NOL4: variants seen among roughly 807,000 people sequenced by gnomAD.
NOL4 encodes nucleolar protein 4.
NOL4 carries 17 observed loss-of-function variants against 75.9 expected under a neutral mutation model. That is an observed-to-expected ratio of 0.22 (90% CI 0.15 to 0.34). NOL4 has a LOEUF of 0.34. Ranked by LOEUF, NOL4 falls within the 10% of genes least tolerant of loss-of-function variation. The probability of loss-of-function intolerance (pLI) is 1.00; values close to 1 mark genes in which losing one functional copy is unlikely to be tolerated. For missense variants in NOL4, 614 were observed against 793.5 expected (o/e 0.77, Z 2.72); for synonymous variants, 292 against 289.9 (o/e 1.01, Z -0.07).
intron 1 of NOL4, among the ~76,000 whole-genome samples, chr18:34,183,363 T>C (rs72961221): frequency 6.6e-6 from 1 of 151,964 alleles, no homozygotes; most frequent in Non-Finnish European, 1.5e-5. Flanking sequence ...ACTATTATAA[T>C]GGAGGATTAA....
intron 6 of NOL4, among the ~76,000 whole-genome samples, chr18:33,980,449 T>C (rs796141612): frequency 6.6e-6 from 1 of 152,044 alleles, no homozygotes; most frequent in Non-Finnish European, 1.5e-5. Flanking sequence ...TTTTGAAACA[T>C]GCCAGAGCAT....
intron 5 of NOL4, among the ~76,000 whole-genome samples, chr18:34,028,296 C>T (rs1213700793): frequency 6.6e-6 from 1 of 152,214 alleles, no homozygotes; most frequent in Non-Finnish European, 1.5e-5. Context: ...GGAACATTTA[C>T]TGAGCTTTGC....
At chr18:34,222,116 G>A (rs2037357039) in intron 1 of NOL4, 6 of 1,533,788 alleles carry the variant, frequency 3.9e-6, no homozygotes, top group Admixed American at 2.0e-5. Context: ...ACGCTGCTGC[G>A]GCTCCCCAGC....
At chr18:34,150,903 A>T (rs2081611591) in intron 1 of NOL4, among the ~76,000 whole-genome samples, 1 of 151,804 alleles carries the variant, frequency 6.6e-6, no homozygotes, top group Admixed American at 6.6e-5. Context: ...ATTCAACAAT[A>T]GGAAAACAAA....
intron 9 of NOL4, among the ~76,000 whole-genome samples, chr18:33,922,315 T>TGA (rs2145288648): frequency 6.6e-6 from 1 of 152,350 alleles, no homozygotes; most frequent in Non-Finnish European, 1.5e-5. Flanking sequence ...CCTCCTTCAG[T>TGA]TGCTTTCAGC....
Position 33,880,817 on chromosome 18 carries a change from GT to G in NOL4, c.1723+2426del, listed in dbSNP as rs912643565. Reference sequence around the variant, plus strand: ...AAGCATTTGCTATTTCTCTAGTTGAGTTTTTTTTTTTTAGTATAAACAGCAA... The same window carrying G: ...AAGCATTTGCTATTTCTCTAGTTGAGTTTTTTTTTTTAGTATAAACAGCAA... On this transcript the variant is annotated intron_variant, in intron 10 of 10. Transcript: ENST00000261592. Among the ~76,000 whole-genome samples, 1,017 of 144,712 alleles carry G rather than the reference GT, an allele frequency of 7.0e-3. 10 individuals are homozygous for G. The highest frequency in any genetic ancestry group is 0.022 in the African/African-American group (891 of 39,702). The allele number at this position is 144,712 out of a possible 152,430, so 94.9% of individuals were successfully genotyped here.
chr18:33,862,813 A>C (rs954725374), intron 10 of NOL4, among the ~76,000 whole-genome samples: 1 of 152,206 alleles, frequency 6.6e-6, no homozygotes, highest in African/African-American at 2.4e-5. Context: ...ACACTTTTAC[A>C]CTGTTGGTGG....
At chr18:33,963,637 C>A (rs1208873370) in intron 6 of NOL4, among the ~76,000 whole-genome samples, 1 of 152,156 alleles carries the variant, frequency 6.6e-6, no homozygotes, top group Non-Finnish European at 1.5e-5. Context: ...TGCTTATCCT[C>A]AAAACACAGG....
At chr18:34,021,968 G>C (rs1168403779) in intron 5 of NOL4, among the ~76,000 whole-genome samples, 2 of 151,966 alleles carry the variant, frequency 1.3e-5, no homozygotes, top group African/African-American at 4.8e-5. Context: ...GCCGGGCATG[G>C]TGGCATGTGC....
intron 5 of NOL4, among the ~76,000 whole-genome samples, chr18:34,043,373 T>C (rs1264234613): frequency 6.6e-6 from 1 of 152,096 alleles, no homozygotes; most frequent in East Asian, 1.9e-4. Flanking sequence ...AATTTTCCTC[T>C]TCCTAGAGTA....
At chr18:33,931,267 C>A (rs1331008866) in intron 9 of NOL4, among the ~76,000 whole-genome samples, 1 of 152,136 alleles carries the variant, frequency 6.6e-6, no homozygotes, top group Non-Finnish European at 1.5e-5. Context: ...CGGTCCATAG[C>A]AGTGCTTTTC....
chr18:34,018,865 A>G (rs1037495031), intron 6 of NOL4, among the ~76,000 whole-genome samples: 2 of 152,158 alleles, frequency 1.3e-5, no homozygotes, highest in Admixed American at 1.3e-4. Flanking sequence ...CCACAAAGAA[A>G]ATTACTGATC....
chr18:33,930,800 A>T (rs1205702189), intron 9 of NOL4, among the ~76,000 whole-genome samples: 1 of 152,132 alleles, frequency 6.6e-6, no homozygotes, highest in Non-Finnish European at 1.5e-5. Flanking sequence ...TTTTGAAATT[A>T]AAAAGAATAT....
At chr18:33,993,011 G>A (rs559120312) in intron 6 of NOL4, among the ~76,000 whole-genome samples, 1 of 151,992 alleles carries the variant, frequency 6.6e-6, no homozygotes, top group Non-Finnish European at 1.5e-5. Context: ...CAACTGGAAG[G>A]AGATTGGCAG....
At chr18:33,910,674 G>T (rs966677994) in intron 9 of NOL4, among the ~76,000 whole-genome samples, 1 of 152,074 alleles carries the variant, frequency 6.6e-6, no homozygotes, top group African/African-American at 2.4e-5. Context: ...GACCCAGGAT[G>T]ACGGTGTTGT....
intron 5 of NOL4, among the ~76,000 whole-genome samples, chr18:34,083,096 C>G (rs2078083754): frequency 6.6e-6 from 1 of 152,028 alleles, no homozygotes; most frequent in African/African-American, 2.4e-5. Flanking sequence ...TGCTCTCTCT[C>G]TCTGTCTTTA....
intron 10 of NOL4, among the ~76,000 whole-genome samples, chr18:33,861,927 T>C (rs1228064169): frequency 6.6e-6 from 1 of 152,084 alleles, no homozygotes; most frequent in African/African-American, 2.4e-5. Flanking sequence ...TACTTTCAAG[T>C]TCATATGGAA....
intron 10 of NOL4, among the ~76,000 whole-genome samples, chr18:33,871,015 T>G (rs533667441): frequency 1.7e-4 from 26 of 152,206 alleles, no homozygotes; most frequent in African/African-American, 6.0e-4. Context: ...AAACTTGCAC[T>G]GTGTGGACTC....
intron 5 of NOL4, chr18:34,023,413 C>T (rs1248278895): frequency 6.6e-6 from 3 of 456,038 alleles, no homozygotes; most frequent in Non-Finnish European, 1.3e-5. Flanking sequence ...CAGGTCATCA[C>T]TTTAAAGGGG....
Sources: gnomAD v4.1 joint callset for allele counts (sites outside exome capture counted in the v4.1 genomes callset) on GRCh38, gnomAD v4.1.1 for gene constraint, MANE v1.5 for transcripts, NCBI Gene and HGNC (gene_info 2026-07-23, HGNC 2026-07-21) for gene names.